Variants in PCDHA3 observed in about 807,000 individuals in gnomAD.
The protein encoded by PCDHA3 is protocadherin alpha-3.
PCDHA3 carries 41 observed loss-of-function variants against 62.2 expected under a neutral mutation model. The ratio of observed to expected loss-of-function variants is 0.66; its 90% CI spans 0.51 to 0.86. PCDHA3 has a LOEUF of 0.86. Ranked by LOEUF, PCDHA3 falls within the 40% of genes least tolerant of loss-of-function variation. The pLI, the probability that PCDHA3 is intolerant of heterozygous loss-of-function variation, is 0.00. For synonymous variants in PCDHA3, 640 were observed against 555.4 expected (o/e 1.15, Z -2.14); for missense variants, 1,304 against 1,241.2 (o/e 1.05, Z -0.76).
rs782516685 is a variant in PCDHA3, at chr5:140,883,846, G to T, written c.2394+80255G>T. ...ACGCGCTGCAGCCGTTGGACCACGAGGAGCTGGAGCTGTTGCAGTTCCAGG... is the reference window on the plus strand; with the variant it reads ...ACGCGCTGCAGCCGTTGGACCACGATGAGCTGGAGCTGTTGCAGTTCCAGG... On this transcript the variant is annotated intron_variant, in intron 1 of 3. Coordinates refer to ENST00000522353, the MANE Select transcript of PCDHA3 (RefSeq NM_018906.3). 7 of 1,612,790 alleles carry T rather than the reference G, an allele frequency of 4.3e-6. No individual in the cohort carries two copies. In the East Asian group the frequency reaches 1.3e-4, roughly 31 times the overall value.
In PCDHA3 at chr5:140,806,389, A is replaced by T. The variant is rs147310754; in HGVS notation, c.2394+2798A>T. Among the ~76,000 whole-genome samples, 557 of 152,344 alleles carry T rather than the reference A, an allele frequency of 3.7e-3. 2 individuals are homozygous for T. Among genetic ancestry groups the T allele is most frequent in the African/African-American group, 0.013 (531 of 41,580 alleles). ...CAAAATGAGAATACCAGCGTTTCTC[A>T]TGGGAGCAAATGAGTTCCAATGAAT... On this transcript the variant is annotated intron_variant, in intron 1 of 3. Transcript: ENST00000522353.
At chr5:140,928,065 T>G in intron 1 of PCDHA3, 20 of 1,614,198 alleles carry the variant, frequency 1.2e-5, no homozygotes, top group Non-Finnish European at 1.6e-5. Context: ...CGGCTTCCTT[T>G]GACAACTACT....
chr5:140,914,073 C>G (rs1314205032), intron 1 of PCDHA3, among the ~76,000 whole-genome samples: 1 of 152,122 alleles, frequency 6.6e-6, no homozygotes, highest in Non-Finnish European at 1.5e-5. Flanking sequence ...TGCTCCATAA[C>G]TATCTATTAG....
chr5:140,857,262 C>A (rs969366268), intron 1 of PCDHA3: 1 of 1,598,710 alleles, frequency 6.3e-7, no homozygotes, highest in Non-Finnish European at 8.6e-7. Context: ...AATTACTACT[C>A]ATTGGTGCTG....
At chr5:140,967,758 A>G (rs781815948) in intron 1 of PCDHA3, 8 of 1,614,162 alleles carry the variant, frequency 5.0e-6, no homozygotes, top group Non-Finnish European at 5.9e-6. Context: ...GCCTCCTCCT[A>G]CCAGATCTAT....
chr5:140,962,939 C>CA (rs2095722674), intron 1 of PCDHA3, among the ~76,000 whole-genome samples: 1 of 152,134 alleles, frequency 6.6e-6, no homozygotes, highest in African/African-American at 2.4e-5. Context: ...ACCTCCTCTC[C>CA]ATAAGATATG....
chr5:140,875,813 T>A, intron 1 of PCDHA3: 2 of 1,614,174 alleles, frequency 1.2e-6, no homozygotes, highest in Non-Finnish European at 1.7e-6. Context: ...GACAGGCCGC[T>A]GCAGGTTTTC....
At chr5:140,850,939 G>T in intron 1 of PCDHA3, 1 of 1,506,026 alleles carries the variant, frequency 6.6e-7, no homozygotes, top group Non-Finnish European at 8.9e-7. Context: ...TTTCTTGAAA[G>T]ATATTATCGA....
chr5:140,969,222 C>T (rs782010447), intron 1 of PCDHA3: 1 of 1,614,154 alleles, frequency 6.2e-7, no homozygotes, highest in Non-Finnish European at 8.5e-7. Flanking sequence ...GGACCAGGGC[C>T]TTCGGGAGCC....
At position 140,876,392 on chromosome 5, in the gene PCDHA3, A is replaced by C. The variant is rs373053230; in HGVS notation, c.2394+72801A>C. ...ACAGGTGAAATTAGAATTTATGGTG[A>C]ACTGGATTTTGAAGAGAATAATGCC... On this transcript the variant is annotated intron_variant, in intron 1 of 3. Transcript: ENST00000522353. 1.2e-4 allele frequency: 194 copies of C among 1,613,822 alleles called. No individual in the cohort carries two copies. The highest frequency in any genetic ancestry group is 1.6e-4 in the Non-Finnish European group (184 of 1,179,914).
At chr5:140,834,895 G>A (rs1773362050) in intron 1 of PCDHA3, 1 of 1,603,034 alleles carries the variant, frequency 6.2e-7, no homozygotes, top group African/African-American at 1.4e-5. Flanking sequence ...CTCACTTACA[G>A]ACTGAGCCCC....
chr5:140,845,374 T>C (rs1368895191), intron 1 of PCDHA3, among the ~76,000 whole-genome samples: 1 of 149,664 alleles, frequency 6.7e-6, no homozygotes, highest in Non-Finnish European at 1.5e-5. Flanking sequence ...ATATCATAAA[T>C]AGGAGGATTC....
chr5:140,816,863 A>G (rs1766013268), intron 1 of PCDHA3: 1 of 151,530 alleles, frequency 6.6e-6, no homozygotes, highest in African/African-American at 2.4e-5. Context: ...GGCCCTCTGG[A>G]GCAGCAGTAT....
intron 1 of PCDHA3, among the ~76,000 whole-genome samples, chr5:140,937,875 G>GCATGGCGCCCAGGCGC (rs1467494060): frequency 1.3e-5 from 2 of 150,442 alleles, no homozygotes; most frequent in African/African-American, 4.9e-5. Context: ...TCGCGCCACT[G>GCATGGCGCCCAGGCGC]CACTCCAGCC....
chr5:140,829,742 C>T (rs1770532767), intron 1 of PCDHA3: 2 of 1,613,562 alleles, frequency 1.2e-6, no homozygotes, highest in Admixed American at 1.7e-5. Flanking sequence ...CAACGTGACG[C>T]TGCAGGTGTT....
intron 1 of PCDHA3, among the ~76,000 whole-genome samples, chr5:140,878,711 G>A (rs944193090): frequency 6.6e-5 from 10 of 152,156 alleles, no homozygotes; most frequent in East Asian, 1.9e-4. Context: ...GGTAGTAAAG[G>A]CATTAAAATT....
chr5:140,941,191 T>TTTTTCTTTC lies in PCDHA3; in HGVS notation c.2395-37755_2395-37754insTCTTTCTTT, dbSNP rs1554213809. 3.1e-4 allele frequency among the ~76,000 whole-genome samples: 29 copies of TTTTTCTTTC among 93,252 alleles called. No homozygotes were observed. The East Asian group carries it at 6.1e-3, about 20-fold the overall frequency. 61.2% of individuals were successfully genotyped at this position (93,252 alleles called of 152,430 possible). On this transcript the variant is annotated intron_variant, in intron 1 of 3. Transcript: ENST00000522353. ...CATCTTGAACATCCTGCTTCTTTTT[T>TTTTTCTTTC]TTTCTTTCTTCCTTTCTTTCTTCCT...
In PCDHA3 at chr5:140,857,433, T is replaced by C. The variant is rs2044590478; in HGVS notation, c.2394+53842T>C. On this transcript the variant is annotated intron_variant, in intron 1 of 3. Transcript: ENST00000522353. ...TTCGCGCAGTCCGAGTACACGGTGTTCGTGAAGGAGAACAACCCGCCAGGC... is the reference window on the plus strand; with the variant it reads ...TTCGCGCAGTCCGAGTACACGGTGTCCGTGAAGGAGAACAACCCGCCAGGC... 2.5e-6 allele frequency: 4 copies of C among 1,598,232 alleles called. 1 individual carries two copies. Among genetic ancestry groups the C allele is most frequent in the Non-Finnish European group, 3.4e-6 (4 of 1,167,768 alleles).
chr5:140,812,818 T>C (rs1235510383), intron 1 of PCDHA3: 3 of 152,242 alleles, frequency 2.0e-5, no homozygotes, highest in Non-Finnish European at 4.4e-5. Flanking sequence ...TATTGTGTTG[T>C]GTTTTCATTT....
Sources: gnomAD v4.1 joint callset for allele counts (sites outside exome capture counted in the v4.1 genomes callset) on GRCh38, gnomAD v4.1.1 for gene constraint, MANE v1.5 for transcripts, NCBI Gene and HGNC (gene_info 2026-07-23, HGNC 2026-07-21) for gene names.